Variants in PPIP5K2 observed in about 807,000 individuals in gnomAD.
PPIP5K2 encodes inositol hexakisphosphate and diphosphoinositol-pentakisphosphate kinase 2.
In PPIP5K2, 105 loss-of-function variants were observed where a neutral mutation model predicts 154.6. The ratio of observed to expected loss-of-function variants is 0.68; its 90% confidence interval spans 0.58 to 0.80. The LOEUF is 0.80. PPIP5K2 is among the 30% of genes least tolerant of loss of function. PPIP5K2 has a pLI of 0.00. For missense variants in PPIP5K2, 992 were observed against 1,504.6 expected (o/e 0.66, Z 5.64); for synonymous variants, 480 against 490.3 (o/e 0.98, Z 0.28).
chr5:103,194,777 G>C, intron 29 of PPIP5K2, 123 bp from the exon 30 acceptor site: 1 of 1,095,446 alleles, frequency 9.1e-7, no homozygotes, highest in South Asian at 1.8e-5. Context: ...AATTTACCTT[G>C]ACCATTTTCT....
chr5:103,186,335 G>A lies in PPIP5K2; in HGVS notation c.3185G>A (p.Gly1062Asp), dbSNP rs781857116. 6.2e-7 allele frequency: 1 copy of A among 1,613,662 alleles called. No homozygotes were observed. Among genetic ancestry groups the A allele is most frequent in the African/African-American group, 1.3e-5 (1 of 74,896 alleles). ...QNPTVGSHCAGLFSTSVLGGS... is the reference protein window; with the variant it reads ...QNPTVGSHCADLFSTSVLGGS... ...CTCCCATCAGGGTCTCACTGTGCGGGCCTGTTTAGCACCTCGGTGCTCGGG... is the reference window on the plus strand; with the variant it reads ...CTCCCATCAGGGTCTCACTGTGCGGACCTGTTTAGCACCTCGGTGCTCGGG... Residue 1062 changes from glycine to aspartate, a missense_variant, in exon 27 of 31, where the codon GGC becomes GAC. Gly to Asp is a moderately conservative substitution (Grantham distance 94). This residue lies in a region of PPIP5K2 where 204 missense variants were observed against 224.0 expected (regional missense o/e 0.91). Transcript: ENST00000358359.
intron 28 of PPIP5K2, among the ~76,000 whole-genome samples, chr5:103,190,390 G>A (rs566405131): frequency 3.2e-4 from 48 of 152,042 alleles, no homozygotes; most frequent in African/African-American, 1.2e-3. Context: ...ACCTGGAAAA[G>A]TATCTAAAAT....
In PPIP5K2 at chr5:103,211,189, C is replaced by G. The variant is rs1803788945; in HGVS notation, c.*9555C>G. 1 of 152,080 alleles carries G rather than the reference C, an allele frequency of 6.6e-6. No individual in the cohort carries two copies. The highest frequency in any genetic ancestry group is 2.1e-4 in the South Asian group (1 of 4,834). 9.4% of individuals were successfully genotyped at this position (152,080 alleles called of 1,614,324 possible). The stretch of plus-strand genomic sequence containing the variant: ...GTTGTGATTCTAAGAATATTTCATT[C>G]CTTACTGCTTTCTGCCCTCCATTCT... On this transcript the variant is annotated 3_prime_UTR_variant, in exon 31 of 31. Transcript: ENST00000358359.
chr5:103,191,413 A>G (rs1453181510), intron 29 of PPIP5K2, among the ~76,000 whole-genome samples: 3 of 152,078 alleles, frequency 2.0e-5, no homozygotes, highest in Admixed American at 1.3e-4. Flanking sequence ...GCTTTTAACT[A>G]AAGACAGCAA....
chr5:103,181,577 A>G (rs1799560291), intron 24 of PPIP5K2, among the ~76,000 whole-genome samples: 1 of 152,028 alleles, frequency 6.6e-6, no homozygotes, highest in African/African-American at 2.4e-5. Context: ...GTCTCAAAAA[A>G]TAAATAAATA....
rs1403588571 is a variant in PPIP5K2, at chr5:103,203,435, A to C, written c.*1801A>C. The C allele has an allele frequency of 6.6e-6, 1 of 152,188 alleles. No homozygotes were observed. Among genetic ancestry groups the C allele is most frequent in the African/African-American group, 2.4e-5 (1 of 41,458 alleles). 9.4% of individuals were successfully genotyped at this position (152,188 alleles called of 1,614,324 possible). ...TTACTTTCCTGTAGTCACCAAACTC[A>C]GTAGTATTGCTCTGTAGACTAGACA... On this transcript the variant is annotated 3_prime_UTR_variant, in exon 31 of 31. Coordinates refer to ENST00000358359, the MANE Select transcript of PPIP5K2 (RefSeq NM_001276277.3).
chr5:103,168,326 A>C (rs1554218629), intron 19 of PPIP5K2, 31 bp downstream of exon 19: 2 of 1,481,886 alleles, frequency 1.3e-6, no homozygotes, highest in Non-Finnish European at 1.9e-6. Flanking sequence ...AATTTCTTAT[A>C]ATATTGAAAA....
intron 3 of PPIP5K2, among the ~76,000 whole-genome samples, chr5:103,136,270 G>C (rs1791485936): frequency 6.6e-6 from 1 of 152,120 alleles, no homozygotes; most frequent in Non-Finnish European, 1.5e-5. Context: ...CCCATGCCTG[G>C]CCCACTGTTT....
intron 8 of PPIP5K2, 44 bp downstream of exon 8, chr5:103,149,357 C>T (rs1174090799): frequency 1.2e-5 from 19 of 1,526,218 alleles, no homozygotes; most frequent in Non-Finnish European, 1.7e-5. Flanking sequence ...AAGGTAAATT[C>T]TAATTTTCTT....
At chr5:103,126,491 A>G (rs542111530) in intron 1 of PPIP5K2, among the ~76,000 whole-genome samples, 248 of 152,326 alleles carry the variant, frequency 1.6e-3, no homozygotes, top group Non-Finnish European at 2.1e-3. Flanking sequence ...AAGACTATGT[A>G]TTAGTCAGGG....
At chr5:103,190,099 CTG>C (rs1336757385) in intron 28 of PPIP5K2, among the ~76,000 whole-genome samples, 4 of 151,860 alleles carry the variant, frequency 2.6e-5, no homozygotes, top group East Asian at 1.9e-4. Flanking sequence ...AAAACATAAA[CTG>C]TGTATTTAAG....
intron 13 of PPIP5K2, among the ~76,000 whole-genome samples, chr5:103,155,452 G>A (rs1580217763): frequency 1.9e-5 from 1 of 52,982 alleles, no homozygotes; most frequent in Admixed American, 2.4e-4. Context: ...TTTGAGACAG[G>A]GTCTTATTCT....
At chr5:103,158,729 C>G (rs1158992520) in intron 16 of PPIP5K2, among the ~76,000 whole-genome samples, 156 bp downstream of exon 16, 1 of 151,770 alleles carries the variant, frequency 6.6e-6, no homozygotes, top group Non-Finnish European at 1.5e-5. Context: ...TGAGACAAGC[C>G]TGGGCAACAT....
At chr5:103,197,907 AAATT>A (rs1470036635) in intron 30 of PPIP5K2, among the ~76,000 whole-genome samples, 1 of 151,776 alleles carries the variant, frequency 6.6e-6, no homozygotes, top group Non-Finnish European at 1.5e-5. Context: ...AAATTATTTT[AAATT>A]AATTATTTTA....
intron 27 of PPIP5K2, 64 bp downstream of exon 27, chr5:103,186,503 T>TG: frequency 6.3e-7 from 1 of 1,596,116 alleles, no homozygotes. Context: ...TGAGCAGTAT[T>TG]TCTCAAAGGC....
At chr5:103,182,478 G>GGATATAAGAAGTTT (rs1799701094) in intron 24 of PPIP5K2, among the ~76,000 whole-genome samples, 1 of 152,016 alleles carries the variant, frequency 6.6e-6, no homozygotes, top group Non-Finnish European at 1.5e-5. Context: ...TCATCTCCAT[G>GGATATAAGAAGTTT]GATATAAGAA....
In PPIP5K2 at chr5:103,194,940, AGTATCTTTAAATAC is replaced by A; in HGVS notation, c.3539_3552del (p.Ser1180TyrfsTer17). 1.2e-6 allele frequency: 2 copies of A among 1,613,540 alleles called. No individual in the cohort carries two copies. Among genetic ancestry groups the A allele is most frequent in the South Asian group, 2.2e-5 (2 of 91,042 alleles). ...GTTCCAGTCCAATAATGAGAAAAAA[AGTATCTTTAAATAC>A]GTATACACCTGCAAAGATCCTCCCA... On this transcript the variant is annotated frameshift_variant, in exon 30 of 31. Coordinates refer to ENST00000358359, the MANE Select transcript of PPIP5K2 (RefSeq NM_001276277.3). LOFTEE classifies it high-confidence loss of function.
intron 25 of PPIP5K2, among the ~76,000 whole-genome samples, chr5:103,183,936 G>A (rs782470256): frequency 2.0e-5 from 3 of 152,008 alleles, no homozygotes; most frequent in Non-Finnish European, 4.4e-5. Context: ...CCATTATTTG[G>A]AAGTATCTAA....
At chr5:103,125,538 T>TAAAGGA (rs1789521805) in intron 1 of PPIP5K2, among the ~76,000 whole-genome samples, 1 of 152,122 alleles carries the variant, frequency 6.6e-6, no homozygotes, top group Admixed American at 6.5e-5. Flanking sequence ...AAGGCTTCCT[T>TAAAGGA]CACTTTATGT....
Sources: gnomAD v4.1 joint callset for allele counts (sites outside exome capture counted in the v4.1 genomes callset) on GRCh38, gnomAD v4.1.1 for gene constraint, gnomAD v4.1.1 regional missense constraint, MANE v1.5 for transcripts, NCBI Gene and HGNC (gene_info 2026-07-23, HGNC 2026-07-21) for gene names.